SDK1: variants seen among roughly 807,000 people sequenced by gnomAD.
The protein encoded by SDK1 is sidekick cell adhesion molecule 1, also known as protein sidekick-1.
In SDK1, 157 loss-of-function variants were observed where a neutral mutation model predicts 245.5. The observed-to-expected ratio is 0.64, with a 90% CI of 0.56 to 0.73. The LOEUF (loss-of-function observed/expected upper bound fraction) is 0.73. Ranked by LOEUF, SDK1 falls within the 30% of genes least tolerant of loss-of-function variation. SDK1 has a pLI of 0.00. For missense variants in SDK1, 3,583 were observed against 3,002.3 expected, an observed-to-expected ratio of 1.19 and a Z score of -4.52; for synonymous variants, 1,647 against 1,278.5, an observed-to-expected ratio of 1.29 and a Z score of -6.15.
intron 4 of SDK1, among the ~76,000 whole-genome samples, chr7:3,743,166 A>G (rs566649060): frequency 3.3e-5 from 5 of 152,308 alleles, no homozygotes; most frequent in African/African-American, 1.2e-4. Context: ...CTGATGGGAA[A>G]AGTCTCAATA....
chr7:4,022,482 G>A (rs1464786759), intron 17 of SDK1, among the ~76,000 whole-genome samples: 1 of 152,182 alleles, frequency 6.6e-6, no homozygotes, highest in Non-Finnish European at 1.5e-5. Flanking sequence ...GAACTTGCTA[G>A]GCTGCCGTCT....
intron 1 of SDK1, among the ~76,000 whole-genome samples, chr7:3,543,486 A>G (rs186698880): frequency 6.6e-6 from 1 of 152,302 alleles, no homozygotes; most frequent in African/African-American, 2.4e-5. Context: ...TGCCTTCCTC[A>G]TGGTCTGCTC....
chr7:3,479,731 G>T (rs912526495), intron 1 of SDK1, among the ~76,000 whole-genome samples: 19 of 151,862 alleles, frequency 1.3e-4, no homozygotes, highest in African/African-American at 4.4e-4. Context: ...GCATGGTGGC[G>T]TGTGCATGTA....
At chr7:3,871,430 CTG>C (rs35531162) in intron 5 of SDK1, among the ~76,000 whole-genome samples, 32,280 of 152,090 alleles carry the variant, frequency 0.21, 3,714 homozygotes, top group African/African-American at 0.29. Flanking sequence ...ACTGAATAGA[CTG>C]TAGTACAGGG....
At chr7:4,218,847 A>G (rs763983364) in intron 38 of SDK1, among the ~76,000 whole-genome samples, 3 of 151,912 alleles carry the variant, frequency 2.0e-5, no homozygotes, top group African/African-American at 7.3e-5. Context: ...AGATTAATCT[A>G]TTGAAAGTTC....
At chr7:3,570,491 C>G (rs1293733030) in intron 1 of SDK1, among the ~76,000 whole-genome samples, 1 of 152,136 alleles carries the variant, frequency 6.6e-6, no homozygotes, top group East Asian at 1.9e-4. Flanking sequence ...TTGGGGATCC[C>G]TGCCTTAACT....
chr7:4,258,975 T>G (rs1247834374), intron 44 of SDK1, among the ~76,000 whole-genome samples: 1 of 152,228 alleles, frequency 6.6e-6, no homozygotes, highest in Non-Finnish European at 1.5e-5. Context: ...TTCAGGAAGT[T>G]TAGATTCCAA....
At chr7:3,920,890 C>T (rs900857611) in intron 5 of SDK1, among the ~76,000 whole-genome samples, 5 of 152,158 alleles carry the variant, frequency 3.3e-5, no homozygotes, top group African/African-American at 9.7e-5. Context: ...TTGGTAACAA[C>T]TGGAGCCCCT....
intron 7 of SDK1, among the ~76,000 whole-genome samples, chr7:3,953,456 C>T (rs986867218): frequency 2.8e-4 from 42 of 152,230 alleles, no homozygotes. Flanking sequence ...ATCCATGCTT[C>T]CGCTACAGAT....
At chr7:3,799,886 G>T (rs570823067) in intron 4 of SDK1, among the ~76,000 whole-genome samples, 1 of 152,136 alleles carries the variant, frequency 6.6e-6, no homozygotes, top group East Asian at 1.9e-4. Flanking sequence ...AGTTCATGGG[G>T]TTTTTTAAAA....
intron 1 of SDK1, among the ~76,000 whole-genome samples, chr7:3,312,671 G>A (rs1001395280): frequency 6.6e-6 from 1 of 152,008 alleles, no homozygotes; most frequent in Non-Finnish European, 1.5e-5. Context: ...TTTTAAAGGA[G>A]ATCTGAGGAA....
In SDK1 at chr7:3,905,705, C is replaced by T. The variant is rs1434367522; in HGVS notation, c.848-45218C>T. Among the ~76,000 whole-genome samples, 5 of 151,994 alleles carry T rather than the reference C, an allele frequency of 3.3e-5. No individual in the cohort carries two copies. In the East Asian group the frequency reaches 9.7e-4, roughly 29 times the overall value. The stretch of plus-strand genomic sequence containing the variant: ...CAGTGGCACAATCACTCACTGTAAC[C>T]CCGAACTCCTGGGTTCAAGCAATCT... On this transcript the variant is annotated intron_variant, in intron 5 of 44. Coordinates refer to ENST00000404826, the MANE Select transcript of SDK1 (RefSeq NM_152744.4).
intron 1 of SDK1, among the ~76,000 whole-genome samples, chr7:3,379,572 G>C (rs962900743): frequency 2.4e-4 from 37 of 152,124 alleles, no homozygotes; most frequent in African/African-American, 8.4e-4. Flanking sequence ...TACTATTGCT[G>C]TGGTTCATTT....
chr7:3,580,170 A>G (rs1780434153), intron 1 of SDK1, among the ~76,000 whole-genome samples: 1 of 152,256 alleles, frequency 6.6e-6, no homozygotes, highest in African/African-American at 2.4e-5. Context: ...AAAATATTTC[A>G]TAGTCATGGT....
chr7:3,598,117 A>G (rs887561323), intron 1 of SDK1, among the ~76,000 whole-genome samples: 8 of 152,192 alleles, frequency 5.3e-5, no homozygotes, highest in East Asian at 3.9e-4. Flanking sequence ...GTATTATTCA[A>G]TTTAGCCACT....
At chr7:3,703,321 G>A (rs1438552404) in intron 4 of SDK1, among the ~76,000 whole-genome samples, 2 of 152,172 alleles carry the variant, frequency 1.3e-5, no homozygotes, top group Non-Finnish European at 2.9e-5. Flanking sequence ...ACACTTGGGT[G>A]AATGAGTCTG....
intron 19 of SDK1, among the ~76,000 whole-genome samples, chr7:4,057,803 T>C (rs943970715): frequency 6.6e-6 from 1 of 152,214 alleles, no homozygotes; most frequent in Non-Finnish European, 1.5e-5. Flanking sequence ...TGATGCTGTT[T>C]ACAGCCAAAT....
At chr7:4,055,600 CTCT>C (rs1779146483) in intron 19 of SDK1, among the ~76,000 whole-genome samples, 1 of 151,542 alleles carries the variant, frequency 6.6e-6, no homozygotes, top group Admixed American at 6.6e-5. Context: ...TCCAGGTCTC[CTCT>C]TCTTCATGGT....
intron 5 of SDK1, among the ~76,000 whole-genome samples, chr7:3,828,640 T>C (rs941551225): frequency 3.0e-5 from 4 of 133,544 alleles, no homozygotes; most frequent in African/African-American, 8.3e-5. Context: ...TTTTTAAGAA[T>C]TTTTTGTTCT....
Sources: allele counts gnomAD v4.1 joint callset (sites outside exome capture counted in the v4.1 genomes callset), GRCh38; gene constraint gnomAD v4.1.1; transcripts MANE v1.5; gene names NCBI Gene and HGNC (gene_info 2026-07-23, HGNC 2026-07-21).